The following CD163L1 variants were observed in gnomAD, a reference collection of about 807,000 sequenced individuals.
The protein encoded by CD163L1 is CD163 molecule like 1.
Under a neutral mutation model 165.4 loss-of-function variants are expected in CD163L1, and 124 were observed. The observed-to-expected ratio is 0.75, with a 90% CI of 0.65 to 0.87. The LOEUF (loss-of-function observed/expected upper bound fraction) is 0.87. CD163L1 is among the 40% of genes least tolerant of loss of function. The probability of loss-of-function intolerance (pLI) is 0.00; values close to 1 mark genes in which losing one functional copy is unlikely to be tolerated. For synonymous variants in CD163L1, 585 were observed against 662.2 expected (o/e 0.88, Z 1.79); for missense variants, 1,525 against 1,799.9 (o/e 0.85, Z 2.76).
chr12:7,410,801 G>A (rs1948124455), intron 4 of CD163L1, among the ~76,000 whole-genome samples: 1 of 151,480 alleles, frequency 6.6e-6, no homozygotes, highest in African/African-American at 2.4e-5. Context: ...CTGCACTCCA[G>A]CCTAGGCGAC....
chr12:7,374,353 C>T lies in CD163L1; in HGVS notation c.3409+89G>A, dbSNP rs1450316270. The T allele has an allele frequency of 1.9e-5, 26 of 1,381,744 alleles. No individual in the cohort carries two copies. Among genetic ancestry groups the T allele is most frequent in the Non-Finnish European group, 2.5e-5 (25 of 1,017,966 alleles). 85.6% of individuals were successfully genotyped at this position (1,381,744 alleles called of 1,614,324 possible). A position where few individuals can be genotyped will look rare whatever the true frequency, so the allele number is the denominator to read the frequency against. ...TTTTTGTTTGTATTCCTAGGCCATA[C>T]ACTTTTCACTACACTTTACAATTGT... On this transcript the variant is annotated intron_variant, in intron 13 of 19. Coordinates refer to ENST00000313599, the MANE Select transcript of CD163L1 (RefSeq NM_174941.6). This position sits in a 1 kb window ranked among gnomAD's most constrained non-coding sequence, Gnocchi z 5.4.
At position 7,376,028 on chromosome 12, in the gene CD163L1, T is replaced by C; in HGVS notation, c.2372-14A>G. On this transcript the variant is annotated splice_polypyrimidine_tract_variant and intron_variant, in intron 9 of 19. Coordinates refer to ENST00000313599, the MANE Select transcript of CD163L1 (RefSeq NM_174941.6). The stretch of plus-strand genomic sequence containing the variant: ...GCTGCCTGTGGGCTATAAAATAATA[T>C]TTCAAAGGTTAGTTTTTAGGGTTTT... The C allele has an allele frequency of 6.2e-7, 1 of 1,604,358 alleles. No individual in the cohort carries two copies. Among genetic ancestry groups the C allele is most frequent in the African/African-American group, 1.3e-5 (1 of 74,628 alleles).
intron 4 of CD163L1, among the ~76,000 whole-genome samples, chr12:7,420,984 G>GGTGTATATATACATATATATATATACGT (rs1948336430): frequency 4.9e-5 from 5 of 101,550 alleles, no homozygotes; most frequent in Non-Finnish European, 7.2e-5. Context: ...AAGAAATTGT[G>GGTGTATATATACATATATATATATACGT]GTATATATAT....
Position 7,421,022 on chromosome 12 carries a change from T to TAC in CD163L1, c.766+11392_766+11393dup, listed in dbSNP as rs1555202002. 7.7e-5 allele frequency among the ~76,000 whole-genome samples: 6 copies of TAC among 78,430 alleles called. 1 individual carries two copies. The Admixed American group carries it at 7.7e-4, about 10-fold the overall frequency. The allele number at this position is 78,430 out of a possible 152,430, so 51.5% of individuals were successfully genotyped here. A position where few individuals can be genotyped will look rare whatever the true frequency, so the allele number is the denominator to read the frequency against. ...ATATATATATATACGTGTATATATATACATATATATATACGTGTATATATA... is the reference window on the plus strand; with the variant it reads ...ATATATATATATACGTGTATATATATACACATATATATATACGTGTATATATA... On this transcript the variant is annotated intron_variant, in intron 4 of 19. Transcript: ENST00000313599.
At chr12:7,434,750 G>C (rs907854053) in intron 2 of CD163L1, among the ~76,000 whole-genome samples, 2 of 152,040 alleles carry the variant, frequency 1.3e-5, no homozygotes, top group South Asian at 4.2e-4. Flanking sequence ...CAGGGAGAGA[G>C]AGTACAATAG....
the CD163L1 span, chr12:7,320,697 G>A: frequency 6.3e-7 from 1 of 1,586,892 alleles, no homozygotes; most frequent in Non-Finnish European, 8.6e-7. Flanking sequence ...GACCACTTCT[G>A]ACATCTGTGT....
At position 7,379,200 on chromosome 12, in the gene CD163L1, T is replaced by C. The variant is rs150960624; in HGVS notation, c.2149A>G (p.Asn717Asp). ...TCAGCAATGTTCATTCCCCAGCCAT[T>C]AGCACACAGAATTCCCACGGCACCC... The part of the protein sequence containing the change: ...VQGAVGILCA[N>D]GWGMNIAEVV... Residue 717 changes from asparagine (N) to aspartate (D), a missense_variant, in exon 9 of 20, where the codon AAT becomes GAT. Coordinates refer to ENST00000313599, the MANE Select transcript of CD163L1 (RefSeq NM_174941.6). 2 of 1,614,014 alleles carry C rather than the reference T, an allele frequency of 1.2e-6. No homozygotes were observed. The highest frequency in any genetic ancestry group is 2.7e-5 in the African/African-American group (2 of 74,896).
At chr12:7,344,252 T>C (rs902222191), downstream of CD163L1, among the ~76,000 whole-genome samples, 3 of 152,020 alleles carry the variant, frequency 2.0e-5, no homozygotes, top group Non-Finnish European at 2.9e-5. Flanking sequence ...GGCTAATTTT[T>C]TATTTTTTTG....
chr12:7,427,726 C>A (rs1212077318), intron 4 of CD163L1, among the ~76,000 whole-genome samples: 3 of 152,056 alleles, frequency 2.0e-5, no homozygotes, highest in South Asian at 4.1e-4. Context: ...GTCATACCTG[C>A]AAATGTGATT....
intron 18 of CD163L1, among the ~76,000 whole-genome samples, chr12:7,365,175 G>A (rs1946986844): frequency 1.3e-5 from 2 of 152,030 alleles, no homozygotes; most frequent in African/African-American, 2.4e-5. Context: ...GGAAAAGACA[G>A]TCTCTTCAAT....
chr12:7,332,104 G>C, the CD163L1 span, among the ~76,000 whole-genome samples: 9 of 152,186 alleles, frequency 5.9e-5, no homozygotes, highest in South Asian at 6.2e-4. Context: ...TGATGGAGCT[G>C]AAAACCACGG....
the CD163L1 span, among the ~76,000 whole-genome samples, chr12:7,330,934 G>A: frequency 6.6e-6 from 1 of 152,178 alleles, no homozygotes; most frequent in Non-Finnish European, 1.5e-5. Flanking sequence ...GCTGGACAGT[G>A]GGTGCAGGAC....
At chr12:7,342,115 C>A (rs1471362447), downstream of CD163L1, among the ~76,000 whole-genome samples, 1 of 151,460 alleles carries the variant, frequency 6.6e-6, no homozygotes, top group African/African-American at 2.4e-5. Flanking sequence ...TGGGAACAGG[C>A]CCCCCAAAAT....
intron 6 of CD163L1, among the ~76,000 whole-genome samples, chr12:7,399,299 TC>T (rs1947853504): frequency 9.8e-6 from 1 of 102,074 alleles, no homozygotes; most frequent in Non-Finnish European, 1.7e-5. Context: ...TTTCTTTCTC[TC>T]CTTTCTTTCT....
the CD163L1 span, among the ~76,000 whole-genome samples, chr12:7,339,940 A>G: frequency 6.6e-6 from 1 of 152,170 alleles, no homozygotes; most frequent in Non-Finnish European, 1.5e-5. Flanking sequence ...TCATACAAAC[A>G]GCCTGAGGAG....
At chr12:7,436,695 A>T (rs1336496067) in intron 2 of CD163L1, among the ~76,000 whole-genome samples, 1 of 130,488 alleles carries the variant, frequency 7.7e-6, no homozygotes, top group African/African-American at 2.5e-5. Flanking sequence ...CCGTCTCTTT[A>T]AAAAAAAGAA....
At chr12:7,356,636 A>G (rs1946779549) in intron 19 of CD163L1, among the ~76,000 whole-genome samples, 1 of 152,140 alleles carries the variant, frequency 6.6e-6, no homozygotes, top group African/African-American at 2.4e-5. Context: ...AGTGTTTTCA[A>G]CATTATTTAG....
At chr12:7,342,250 G>A (rs958591181), downstream of CD163L1, among the ~76,000 whole-genome samples, 1 of 152,200 alleles carries the variant, frequency 6.6e-6, no homozygotes, top group Non-Finnish European at 1.5e-5. Flanking sequence ...GCAGGGAACA[G>A]CTGACCCACC....
rs1947208524 is a variant in CD163L1, at chr12:7,374,378, TG to T, written c.3409+63del. Reference sequence around the variant, plus strand: ...CACTTTTCACTACACTTTACAATTGTGTTGTGTGTGTGCAAGTGTGTGCACG... The same window carrying T: ...CACTTTTCACTACACTTTACAATTGTTTGTGTGTGTGCAAGTGTGTGCACG... On this transcript the variant is annotated intron_variant, in intron 13 of 19. Coordinates refer to ENST00000313599, the MANE Select transcript of CD163L1 (RefSeq NM_174941.6). The surrounding 1 kb of genome is among the most constrained non-coding windows in gnomAD (Gnocchi z 5.4). 2.0e-6 allele frequency: 3 copies of T among 1,478,194 alleles called. No individual in the cohort carries two copies. The East Asian group carries it at 6.8e-5, about 34-fold the overall frequency. The allele number at this position is 1,478,194 out of a possible 1,614,324, so 91.6% of individuals were successfully genotyped here.
Sources: allele counts gnomAD v4.1 joint callset (sites outside exome capture counted in the v4.1 genomes callset), GRCh38; gene constraint gnomAD v4.1.1; non-coding constraint Gnocchi (gnomAD v3.1); transcripts MANE v1.5; gene names NCBI Gene and HGNC (gene_info 2026-07-23, HGNC 2026-07-21).